Variants in TTLL8 observed in about 807,000 individuals in gnomAD.
The protein encoded by TTLL8 is protein monoglycylase TTLL8.
TTLL8 carries 65 observed loss-of-function variants against 77.8 expected under a neutral mutation model. The observed-to-expected ratio is 0.84, with a 90% CI of 0.68 to 1.03. The LOEUF (loss-of-function observed/expected upper bound fraction) is 1.03, where lower values mean the gene tolerates loss of function less well. Among genes scored for constraint, TTLL8 ranks in the 50% least tolerant of loss-of-function variants. TTLL8 has a pLI of 0.00. For missense variants in TTLL8, 910 were observed against 1,004.5 expected, an observed-to-expected ratio of 0.91 and a Z score of 1.27; for synonymous variants, 402 against 422.8, an observed-to-expected ratio of 0.95 and a Z score of 0.60.
intron 12 of TTLL8, among the ~76,000 whole-genome samples, chr22:50,029,830 G>A (rs898308590): frequency 3.3e-5 from 5 of 152,214 alleles, no homozygotes; most frequent in Admixed American, 2.0e-4. Flanking sequence ...AGACCCCCAC[G>A]CGGGAGGAAC....
intron 12 of TTLL8, among the ~76,000 whole-genome samples, chr22:50,025,654 T>C (rs1202527258): frequency 6.6e-6 from 1 of 151,834 alleles, no homozygotes; most frequent in Non-Finnish European, 1.5e-5. Flanking sequence ...ATAAATAAAT[T>C]AAATAAATAT....
intron 8 of TTLL8, among the ~76,000 whole-genome samples, chr22:50,036,915 G>A (rs976266309): frequency 3.3e-5 from 5 of 151,786 alleles, no homozygotes; most frequent in Admixed American, 1.3e-4. Context: ...GGCTTCCTTC[G>A]ACCTGACTGT....
intron 12 of TTLL8, among the ~76,000 whole-genome samples, chr22:50,020,422 T>C (rs2061187990): frequency 6.7e-6 from 1 of 148,576 alleles, no homozygotes; most frequent in South Asian, 2.2e-4. Context: ...TACTCCTCCA[T>C]CTGACGTGCA....
At chr22:50,036,679 A>G (rs1413389166) in intron 8 of TTLL8, among the ~76,000 whole-genome samples, 1 of 151,306 alleles carries the variant, frequency 6.6e-6, no homozygotes, top group African/African-American at 2.4e-5. Flanking sequence ...GGCTCACTGC[A>G]ACCTCCACCT....
At chr22:50,046,472 A>G (rs1011606504) in intron 4 of TTLL8, among the ~76,000 whole-genome samples, 1 of 152,214 alleles carries the variant, frequency 6.6e-6, no homozygotes, top group Non-Finnish European at 1.5e-5. Flanking sequence ...CCTGTTAAGG[A>G]AAAAAGTGGC....
chr22:50,020,633 GAC>G, intron 12 of TTLL8, among the ~76,000 whole-genome samples: 1 of 135,036 alleles, frequency 7.4e-6, no homozygotes, highest in Non-Finnish European at 1.6e-5. Flanking sequence ...CCCTCCATCT[GAC>G]AACGTGCACT....
intron 8 of TTLL8, among the ~76,000 whole-genome samples, chr22:50,038,425 G>C (rs2061350035): frequency 6.6e-6 from 1 of 151,946 alleles, no homozygotes; most frequent in African/African-American, 2.4e-5. Context: ...CTGATGATGA[G>C]CAACTTCGTC....
chr22:50,031,648 G>A (rs1232839085), intron 11 of TTLL8, 38 bp downstream of exon 12: 1 of 1,227,144 alleles, frequency 8.1e-7, no homozygotes, highest in Admixed American at 2.9e-5. Context: ...CCACATGGCG[G>A]GCGGCCACCA....
At chr22:50,042,826 C>A (rs905049085) in intron 6 of TTLL8, among the ~76,000 whole-genome samples, 3 of 152,150 alleles carry the variant, frequency 2.0e-5, no homozygotes, top group Admixed American at 2.0e-4. Context: ...ACAAACAGAA[C>A]CCTGACCACA....
In TTLL8 at chr22:50,045,193, G is replaced by A. The variant is rs533215063; in HGVS notation, c.643+62C>T. The A allele has an allele frequency of 4.2e-5, 54 of 1,300,562 alleles. No homozygotes were observed. In the African/African-American group the frequency reaches 7.7e-4, roughly 18 times the overall value. 80.6% of individuals were successfully genotyped at this position (1,300,562 alleles called of 1,614,324 possible). On this transcript the variant is annotated intron_variant, in intron 6 of 13. Coordinates refer to ENST00000266182, the Ensembl canonical transcript of TTLL8. ...GACTGACCACACCCAGGAGGCGGGA[G>A]GGCCCCTGTGGAGGCCCCGAGCTCT...
chr22:50,045,583 T>C (rs1224956174), intron 5 of TTLL8, among the ~76,000 whole-genome samples, 194 bp from the exon 8 acceptor site: 1 of 152,122 alleles, frequency 6.6e-6, no homozygotes, highest in Non-Finnish European at 1.5e-5. Context: ...GCCGTCCAGC[T>C]GCACCCCTCG....
At chr22:50,021,794 G>A (rs1288983921) in intron 12 of TTLL8, among the ~76,000 whole-genome samples, 1 of 135,864 alleles carries the variant, frequency 7.4e-6, no homozygotes, top group Admixed American at 7.5e-5. Context: ...CTGACGACGT[G>A]CACTCCTCCA....
upstream of TTLL8, among the ~76,000 whole-genome samples, chr22:50,057,836 A>C (rs1168120963): frequency 6.6e-6 from 1 of 150,910 alleles, no homozygotes; most frequent in Non-Finnish European, 1.5e-5. Context: ...TTCTGAAGGC[A>C]GAGGGGAGTG....
Position 50,030,425 on chromosome 22 carries a change from G to T in TTLL8, c.2203+5C>A, listed in dbSNP as rs769607133. ...CCACAGCGCACCGCCGGCGGCGCAG[G>T]TTACCTTTTCCTCCGGGCGGCGGAC... On this transcript the variant is annotated splice_donor_5th_base_variant and intron_variant, in intron 12 of 13. Transcript: ENST00000266182. The T allele has an allele frequency of 7.5e-7, 1 of 1,324,792 alleles. No homozygotes were observed. Among genetic ancestry groups the T allele is most frequent in the Non-Finnish European group, 9.9e-7 (1 of 1,009,962 alleles). The allele number at this position is 1,324,792 out of a possible 1,614,324, so 82.1% of individuals were successfully genotyped here.
Position 50,031,438 on chromosome 22 carries a change from C to T in TTLL8, c.1707+248G>A, listed in dbSNP as rs939304733. On this transcript the variant is annotated intron_variant, in intron 11 of 13. Transcript: ENST00000266182. ...GACAGAGGCACTGAGCCTGAGTGAG[C>T]GGGGCCGCTCCGCCCGCACGCCTGG... Among the ~76,000 whole-genome samples, 13 of 152,296 alleles carry T rather than the reference C, an allele frequency of 8.5e-5. No individual in the cohort carries two copies. In the East Asian group the frequency reaches 1.2e-3, roughly 14 times the overall value.
upstream of TTLL8, among the ~76,000 whole-genome samples, chr22:50,057,767 G>A (rs1207541936): frequency 6.7e-6 from 1 of 148,994 alleles, no homozygotes; most frequent in Non-Finnish European, 1.5e-5. Flanking sequence ...TCAGGTCTAG[G>A]TCGAGGGGGA....
intron 12 of TTLL8, among the ~76,000 whole-genome samples, chr22:50,023,261 A>T (rs2061214803): frequency 6.6e-6 from 1 of 152,248 alleles, no homozygotes; most frequent in Non-Finnish European, 1.5e-5. Context: ...AACTGAAAAA[A>T]ACCTAAATAA....
chr22:50,056,707 T>C (rs1358952826), upstream of TTLL8: 1 of 977,718 alleles, frequency 1.0e-6, no homozygotes, highest in Admixed American at 6.2e-5. This position sits in a 1 kb window ranked among gnomAD's most constrained non-coding sequence, Gnocchi z 4.1. Flanking sequence ...CCTGGGGTCC[T>C]CCGCCTGGAC....
intron 8 of TTLL8, among the ~76,000 whole-genome samples, chr22:50,035,625 C>T (rs987076342): frequency 6.6e-6 from 1 of 152,208 alleles, no homozygotes; most frequent in African/African-American, 2.4e-5. Context: ...TTGGAGCAAA[C>T]CGGGCACAGC....
Sources: allele counts gnomAD v4.1 joint callset (sites outside exome capture counted in the v4.1 genomes callset), GRCh38; gene constraint gnomAD v4.1.1; non-coding constraint Gnocchi (gnomAD v3.1); transcripts MANE v1.5; gene names NCBI Gene and HGNC (gene_info 2026-07-23, HGNC 2026-07-21).